PHACTR3: variants seen among roughly 807,000 people sequenced by gnomAD.
PHACTR3 encodes the protein protein phosphatase 1, regulatory subunit 123.
In PHACTR3, 16 loss-of-function variants were observed where a neutral mutation model predicts 66.8. The ratio of observed to expected loss-of-function variants is 0.24; its 90% CI spans 0.16 to 0.36. The LOEUF is 0.36. PHACTR3 is among the 10% of genes least tolerant of loss of function. The pLI, the probability that PHACTR3 is intolerant of heterozygous loss-of-function variation, is 1.00. For missense variants in PHACTR3, 647 were observed against 719.9 expected (o/e 0.90, Z 1.16); for synonymous variants, 323 against 292.1 (o/e 1.11, Z -1.08).
At chr20:59,844,681 G>A (rs1399730862) in intron 11 of PHACTR3, 2 of 152,212 alleles carry the variant, frequency 1.3e-5, no homozygotes, top group East Asian at 1.9e-4. Flanking sequence ...GGCTGGGAAG[G>A]GTGGCAGGGT....
chr20:59,702,815 G>A (rs1407466942), intron 1 of PHACTR3, among the ~76,000 whole-genome samples: 1 of 152,230 alleles, frequency 6.6e-6, no homozygotes, highest in African/African-American at 2.4e-5. Context: ...ACCAGGAAAA[G>A]CACATCTCCA....
At chr20:59,807,058 C>T (rs2147001141) in intron 8 of PHACTR3, among the ~76,000 whole-genome samples, 1 of 152,356 alleles carries the variant, frequency 6.6e-6, no homozygotes, top group South Asian at 2.1e-4. Context: ...GGAAGGCTAG[C>T]ACGCGACCGT....
intron 1 of PHACTR3, among the ~76,000 whole-genome samples, chr20:59,669,876 T>G (rs2036130668): frequency 6.6e-6 from 1 of 152,238 alleles, no homozygotes; most frequent in South Asian, 2.1e-4. Flanking sequence ...ATTCATCAAT[T>G]GAGGGACGTT....
At chr20:59,674,997 C>T (rs527635967) in intron 1 of PHACTR3, among the ~76,000 whole-genome samples, 1 of 81,544 alleles carries the variant, frequency 1.2e-5, no homozygotes, top group Non-Finnish European at 2.3e-5. Flanking sequence ...TCTCCTGTTC[C>T]CCCTTCTCCT....
At chr20:59,661,251 T>C (rs1228954234) in intron 1 of PHACTR3, among the ~76,000 whole-genome samples, 2 of 149,956 alleles carry the variant, frequency 1.3e-5, no homozygotes, top group Admixed American at 1.3e-4. Context: ...TGCTTGTTGA[T>C]GGCTGTGCCG....
At chr20:59,804,911 C>A (rs1200004983) in intron 7 of PHACTR3, among the ~76,000 whole-genome samples, 1 of 152,174 alleles carries the variant, frequency 6.6e-6, no homozygotes, top group Non-Finnish European at 1.5e-5. Context: ...AGAAATAAAA[C>A]CTGCCTTCAT....
At chr20:59,645,448 C>T (rs1326561330) in intron 1 of PHACTR3, among the ~76,000 whole-genome samples, 2 of 152,102 alleles carry the variant, frequency 1.3e-5, no homozygotes, top group Non-Finnish European at 2.9e-5. Context: ...CCCTCAGATC[C>T]CAGCCTGTGG....
At chr20:59,708,283 GTC>G (rs1312963448) in intron 1 of PHACTR3, among the ~76,000 whole-genome samples, 1 of 152,208 alleles carries the variant, frequency 6.6e-6, no homozygotes, top group Non-Finnish European at 1.5e-5. Flanking sequence ...TGGTGCCTGT[GTC>G]TCTCTAATTC....
intron 1 of PHACTR3, among the ~76,000 whole-genome samples, chr20:59,589,204 C>G (rs915165547): frequency 6.6e-6 from 1 of 152,234 alleles, no homozygotes; most frequent in East Asian, 1.9e-4. Context: ...GTTATTCTCC[C>G]GTGGGCTTTG....
intron 1 of PHACTR3, among the ~76,000 whole-genome samples, chr20:59,620,388 C>T (rs1227548925): frequency 6.6e-6 from 1 of 152,178 alleles, no homozygotes; most frequent in Non-Finnish European, 1.5e-5. Context: ...TGCTAACATG[C>T]TTTTCTATCC....
At chr20:59,809,815 GA>G (rs1188864152) in intron 8 of PHACTR3, among the ~76,000 whole-genome samples, 1 of 152,198 alleles carries the variant, frequency 6.6e-6, no homozygotes, top group Non-Finnish European at 1.5e-5. Context: ...ATCTGAGGAT[GA>G]AGGGGCATGG....
chr20:59,605,564 A>G (rs1457005398), intron 1 of PHACTR3, among the ~76,000 whole-genome samples: 1 of 152,170 alleles, frequency 6.6e-6, no homozygotes, highest in African/African-American at 2.4e-5. Context: ...AGCGCTCCGC[A>G]GCTGAGGCCA....
intron 8 of PHACTR3, among the ~76,000 whole-genome samples, chr20:59,834,612 C>T (rs548711867): frequency 5.9e-5 from 9 of 152,306 alleles, no homozygotes; most frequent in Middle Eastern, 6.8e-3. Flanking sequence ...ATCCTCACTC[C>T]CTCAGTGTTT....
chr20:59,785,743 C>T (rs1475219196), intron 7 of PHACTR3, among the ~76,000 whole-genome samples: 2 of 152,202 alleles, frequency 1.3e-5, no homozygotes, highest in Non-Finnish European at 1.5e-5. Flanking sequence ...AGGCCGTGGT[C>T]AGCAGCACCA....
intron 9 of PHACTR3, among the ~76,000 whole-genome samples, chr20:59,837,574 T>G (rs937368993): frequency 6.6e-6 from 1 of 152,230 alleles, no homozygotes; most frequent in Non-Finnish European, 1.5e-5. Flanking sequence ...TAAGATATAG[T>G]GACTACTGTT....
intron 1 of PHACTR3, among the ~76,000 whole-genome samples, chr20:59,670,613 G>GGGGC: frequency 1.5e-5 from 2 of 132,746 alleles, no homozygotes; most frequent in Admixed American, 7.6e-5. Context: ...GGTGGGGGGG[G>GGGGC]GGGGCAGGCA....
At chr20:59,682,169 G>A (rs1306399350) in intron 1 of PHACTR3, among the ~76,000 whole-genome samples, 5 of 151,928 alleles carry the variant, frequency 3.3e-5, no homozygotes, top group Middle Eastern at 6.8e-3. Context: ...GCAAAACCCC[G>A]TCTCTACTAA....
At chr20:59,750,691 G>A (rs1183108) in intron 3 of PHACTR3, among the ~76,000 whole-genome samples, 95,834 of 151,988 alleles carry the variant, frequency 0.63, 30,529 homozygotes, top group Non-Finnish European at 0.66. Flanking sequence ...GGTGGGATCT[G>A]CGAGGAGCCC....
intron 8 of PHACTR3, among the ~76,000 whole-genome samples, chr20:59,815,115 T>A (rs2041847459): frequency 6.6e-6 from 1 of 152,154 alleles, no homozygotes; most frequent in Non-Finnish European, 1.5e-5. Context: ...GGGTTCTTGT[T>A]AATGAACAGT....
Sources: gnomAD v4.1 joint callset for allele counts (sites outside exome capture counted in the v4.1 genomes callset) on GRCh38, gnomAD v4.1.1 for gene constraint, MANE v1.5 for transcripts, NCBI Gene and HGNC (gene_info 2026-07-23, HGNC 2026-07-21) for gene names.